CMIP: variants seen among roughly 807,000 people sequenced by gnomAD.
CMIP encodes C-Maf-inducing protein.
CMIP carries 13 observed loss-of-function variants against 97.3 expected under a neutral mutation model. That is an observed-to-expected ratio of 0.13 (90% confidence interval 0.09 to 0.21). The LOEUF is 0.21. CMIP is among the 10% of genes least tolerant of loss of function. The pLI is 1.00. For missense variants in CMIP, 847 were observed against 1,024.9 expected, an observed-to-expected ratio of 0.83 and a Z score of 2.37; for synonymous variants, 538 against 436.3, an observed-to-expected ratio of 1.23 and a Z score of -2.91.
chr16:81,641,675 G>A (rs1450424070), intron 3 of CMIP, among the ~76,000 whole-genome samples: 1 of 152,322 alleles, frequency 6.6e-6, no homozygotes, highest in Middle Eastern at 3.4e-3. Flanking sequence ...ACCACCGGTG[G>A]GCATTTAGGC....
chr16:81,669,304 A>C (rs1597223398), intron 7 of CMIP, among the ~76,000 whole-genome samples: 1 of 41,076 alleles, frequency 2.4e-5, no homozygotes, highest in African/African-American at 9.9e-5. Flanking sequence ...CACCTCTCAC[A>C]CTCACCTCCT....
Position 81,532,949 on chromosome 16 carries a change from C to A in CMIP, c.301-74618C>A, listed in dbSNP as rs78619533. Among the ~76,000 whole-genome samples the A allele has an allele frequency of 7.1e-3, 1,078 of 152,224 alleles. 23 individuals carry two copies. Among genetic ancestry groups the A allele is most frequent in the African/African-American group, 0.024 (1,004 of 41,528 alleles). ...ACGCCAAGCCTGCTGTGCCTCGAGG[C>A]CTTTGCCCTGACTGCTTCCTCTGCC... is the stretch of plus-strand genomic sequence containing the variant. On this transcript the variant is annotated intron_variant, in intron 1 of 20. Transcript: ENST00000537098.
At chr16:81,575,505 C>G (rs1341013504) in intron 1 of CMIP, among the ~76,000 whole-genome samples, 2 of 152,314 alleles carry the variant, frequency 1.3e-5, no homozygotes, top group East Asian at 3.9e-4. Flanking sequence ...ATCCAGGCCC[C>G]AGTAAGGGAG....
intron 5 of CMIP, 135 bp from the exon 6 acceptor site, chr16:81,660,749 A>AAAAGCAG (rs1439756035): frequency 2.2e-6 from 2 of 919,748 alleles, no homozygotes; most frequent in African/African-American, 3.4e-5. Flanking sequence ...TTCTGCTTTT[A>AAAAGCAG]ATATGAATGA....
chr16:81,497,613 G>A (rs572327976), intron 1 of CMIP, among the ~76,000 whole-genome samples: 73 of 152,334 alleles, frequency 4.8e-4, no homozygotes, highest in African/African-American at 1.6e-3. Context: ...CCCAGGCCTC[G>A]GCAGACTGGC....
In CMIP at chr16:81,693,436, C is replaced by T. The variant is rs1243444161; in HGVS notation, c.1482-3C>T. ...GTAACTCCGGCCGCCTCGTCTCTTC[C>T]AGGGAACTGAAGTACGTGATTCAGA... On this transcript the variant is annotated splice_polypyrimidine_tract_variant and splice_region_variant and intron_variant, in intron 12 of 20. Transcript: ENST00000537098. 4 of 1,611,662 alleles carry T rather than the reference C, an allele frequency of 2.5e-6. No individual in the cohort carries two copies. Among genetic ancestry groups the T allele is most frequent in the Non-Finnish European group, 3.4e-6 (4 of 1,178,912 alleles).
chr16:81,545,552 C>T (rs2090529841), intron 1 of CMIP, among the ~76,000 whole-genome samples: 1 of 152,174 alleles, frequency 6.6e-6, no homozygotes, highest in Middle Eastern at 3.2e-3. Context: ...ATGTGGCGAG[C>T]TCCAGCATCC....
At chr16:81,554,816 G>C (rs1355694558) in intron 1 of CMIP, among the ~76,000 whole-genome samples, 1 of 152,224 alleles carries the variant, frequency 6.6e-6, no homozygotes, top group Non-Finnish European at 1.5e-5. Flanking sequence ...AGCATAGAGT[G>C]CTTAGCATCG....
chr16:81,535,133 G>C (rs1048633764), intron 1 of CMIP, among the ~76,000 whole-genome samples: 1 of 152,094 alleles, frequency 6.6e-6, no homozygotes, highest in Non-Finnish European at 1.5e-5. Context: ...TGTACTTTTA[G>C]TAGAGACGGG....
intron 1 of CMIP, among the ~76,000 whole-genome samples, chr16:81,576,439 C>CAGAAA (rs992953904): frequency 1.3e-5 from 2 of 151,978 alleles, no homozygotes; most frequent in Non-Finnish European, 2.9e-5. Context: ...AAACAAAAAA[C>CAGAAA]AGAAAAGAAA....
At chr16:81,687,365 C>T (rs989902514) in intron 10 of CMIP, among the ~76,000 whole-genome samples, 10 of 152,216 alleles carry the variant, frequency 6.6e-5, no homozygotes, top group Non-Finnish European at 1.5e-4. Context: ...GGCCACCCCT[C>T]ACTTTATGTG....
chr16:81,525,668 T>C (rs1197378519), intron 1 of CMIP, among the ~76,000 whole-genome samples: 1 of 152,180 alleles, frequency 6.6e-6, no homozygotes, highest in East Asian at 1.9e-4. Flanking sequence ...TAAAGTTCGT[T>C]GAGTACATTC....
At chr16:81,505,820 G>A (rs1014488866) in intron 1 of CMIP, among the ~76,000 whole-genome samples, 5 of 152,132 alleles carry the variant, frequency 3.3e-5, no homozygotes, top group Non-Finnish European at 7.3e-5. Flanking sequence ...GCAAAACCCT[G>A]TCTCTACTAA....
intron 1 of CMIP, among the ~76,000 whole-genome samples, chr16:81,536,173 T>C (rs1396323166): frequency 6.6e-6 from 1 of 152,224 alleles, no homozygotes; most frequent in African/African-American, 2.4e-5. Flanking sequence ...GTGTTAATTA[T>C]TAAAATTTCA....
At chr16:81,617,846 T>C (rs1057096249) in intron 2 of CMIP, among the ~76,000 whole-genome samples, 11 of 152,350 alleles carry the variant, frequency 7.2e-5, no homozygotes, top group African/African-American at 2.6e-4. Flanking sequence ...CAGGATACAG[T>C]GGTAGGTAGA....
At chr16:81,483,042 C>T (rs994817670) in intron 1 of CMIP, among the ~76,000 whole-genome samples, 1 of 152,194 alleles carries the variant, frequency 6.6e-6, no homozygotes, top group Non-Finnish European at 1.5e-5. Flanking sequence ...AAAATGAACA[C>T]GGAAATATAG....
rs370552387 is a variant in CMIP, at chr16:81,539,412, A to G, written c.301-68155A>G. On this transcript the variant is annotated intron_variant, in intron 1 of 20. Transcript: ENST00000537098. ...ATGTCTGCAGGCCCTGCGGGGATGG[A>G]TGCACACAAGGGCCGTTTGAAGCAC... Among the ~76,000 whole-genome samples, 4 of 152,264 alleles carry G rather than the reference A, an allele frequency of 2.6e-5. No homozygotes were observed. In the East Asian group the frequency reaches 7.7e-4, roughly 29 times the overall value.
rs2091411494 is a variant in CMIP at position 81,588,086 on chromosome 16, G to A, written c.301-19481G>A. On this transcript the variant is annotated intron_variant, in intron 1 of 20. Transcript: ENST00000537098. ...TACCCTGCCTGCCTCCAAGAGGACC[G>A]AGGCTTTTCAGAGCTGAGACACTGT... 2.0e-5 allele frequency among the ~76,000 whole-genome samples: 3 copies of A among 152,286 alleles called. No homozygotes were observed. The South Asian group carries it at 6.2e-4, about 32-fold the overall frequency.
intron 1 of CMIP, chr16:81,476,488 G>T: frequency 1.4e-6 from 1 of 740,030 alleles, no homozygotes; most frequent in Non-Finnish European, 2.5e-6. Flanking sequence ...GCCGTTGACA[G>T]CGATGTCAGA....
Sources: allele counts gnomAD v4.1 joint callset (sites outside exome capture counted in the v4.1 genomes callset), GRCh38; gene constraint gnomAD v4.1.1; transcripts MANE v1.5; gene names NCBI Gene and HGNC (gene_info 2026-07-23, HGNC 2026-07-21).